Variants in PTPRM observed in about 807,000 individuals in gnomAD.
The protein encoded by PTPRM is receptor-type tyrosine-protein phosphatase mu.
PTPRM carries 47 observed loss-of-function variants against 186.7 expected under a neutral mutation model. The observed-to-expected ratio is 0.25, with a 90% CI of 0.20 to 0.32. The LOEUF (loss-of-function observed/expected upper bound fraction) is 0.32, where lower values mean the gene tolerates loss of function less well. PTPRM is among the 10% of genes least tolerant of loss of function. The pLI is 1.00. For synonymous variants in PTPRM, 668 were observed against 674.9 expected (o/e 0.99, Z 0.16); for missense variants, 1,494 against 1,865.0 (o/e 0.80, Z 3.66).
chr18:7,737,339 C>T (rs952488682), intron 1 of PTPRM, among the ~76,000 whole-genome samples: 1 of 152,170 alleles, frequency 6.6e-6, no homozygotes, highest in Non-Finnish European at 1.5e-5. Context: ...CCGTGATCCA[C>T]CTGCCTCGGC....
chr18:7,772,946 T>C (rs2042399288), intron 1 of PTPRM, among the ~76,000 whole-genome samples: 1 of 152,170 alleles, frequency 6.6e-6, no homozygotes, highest in South Asian at 2.1e-4. Context: ...TCAATTTAAT[T>C]AATCACTTTC....
chr18:8,240,295 T>C (rs2094400360), intron 14 of PTPRM, among the ~76,000 whole-genome samples: 2 of 151,660 alleles, frequency 1.3e-5, no homozygotes, highest in African/African-American at 4.9e-5. Context: ...CTCTTTTGGG[T>C]ATATTGTATT....
At chr18:8,094,150 A>G in intron 11 of PTPRM, among the ~76,000 whole-genome samples, 2 of 152,208 alleles carry the variant, frequency 1.3e-5, no homozygotes, top group East Asian at 3.8e-4. Context: ...TGGAATGACA[A>G]TATTATTTTG....
At chr18:8,383,026 G>T (rs889120168) in intron 29 of PTPRM, among the ~76,000 whole-genome samples, 1 of 152,068 alleles carries the variant, frequency 6.6e-6, no homozygotes, top group Non-Finnish European at 1.5e-5. Context: ...GCGGCCAGGC[G>T]CAGTGGCTCA....
intron 1 of PTPRM, among the ~76,000 whole-genome samples, chr18:7,659,396 T>C (rs2038928257): frequency 6.6e-6 from 1 of 152,202 alleles, no homozygotes; most frequent in Non-Finnish European, 1.5e-5. Context: ...CTGCCCACAC[T>C]GTCTACAGCA....
intron 8 of PTPRM, among the ~76,000 whole-genome samples, chr18:8,071,444 T>C (rs1408932176): frequency 6.6e-6 from 1 of 152,232 alleles, no homozygotes; most frequent in Non-Finnish European, 1.5e-5. Context: ...CCTTTTTCTA[T>C]TCTAATGTCC....
intron 14 of PTPRM, among the ~76,000 whole-genome samples, chr18:8,204,793 A>G (rs2093905446): frequency 6.6e-6 from 1 of 151,892 alleles, no homozygotes; most frequent in Non-Finnish European, 1.5e-5. Context: ...AAAAACAAAA[A>G]CCCTAACACT....
chr18:8,235,310 C>A (rs1205527865), intron 14 of PTPRM, among the ~76,000 whole-genome samples: 1 of 152,008 alleles, frequency 6.6e-6, no homozygotes, highest in Non-Finnish European at 1.5e-5. Context: ...GCAGATTACA[C>A]CTTTCAAGGA....
intron 1 of PTPRM, among the ~76,000 whole-genome samples, chr18:7,627,488 A>G (rs1242681317): frequency 1.3e-5 from 2 of 152,080 alleles, no homozygotes; most frequent in South Asian, 2.1e-4. Context: ...TTTGGGGTAA[A>G]GGTCTTTATC....
chr18:7,800,899 A>G (rs772076662), intron 2 of PTPRM, among the ~76,000 whole-genome samples: 2 of 152,178 alleles, frequency 1.3e-5, no homozygotes, highest in Non-Finnish European at 2.9e-5. Flanking sequence ...GTATCTAAAC[A>G]TATGATGGCA....
chr18:8,063,582 A>G (rs948615280), intron 7 of PTPRM, among the ~76,000 whole-genome samples: 1 of 152,170 alleles, frequency 6.6e-6, no homozygotes, highest in Non-Finnish European at 1.5e-5. Context: ...TTTGGAAGGT[A>G]TCAACAGTAA....
intron 1 of PTPRM, among the ~76,000 whole-genome samples, chr18:7,656,217 G>C (rs965163921): frequency 6.6e-6 from 1 of 152,210 alleles, no homozygotes; most frequent in East Asian, 1.9e-4. Context: ...ACAAAATGAA[G>C]TATATTCCTT....
chr18:7,873,915 C>G (rs1345763652), intron 2 of PTPRM, among the ~76,000 whole-genome samples: 1 of 152,116 alleles, frequency 6.6e-6, no homozygotes, highest in Non-Finnish European at 1.5e-5. Context: ...TTGTAGGACT[C>G]TCTTCTGTAG....
At position 8,376,305 on chromosome 18, in the gene PTPRM, T is replaced by C. The variant is rs185440738; in HGVS notation, c.3326+105T>C. 2,084 of 1,535,436 alleles carry C rather than the reference T, an allele frequency of 1.4e-3. 3 individuals carry two copies. The highest frequency in any genetic ancestry group is 2.8e-3 in the Admixed American group (149 of 53,666). ...TTTTAGAACTTCAGAGGGGTGATGA[T>C]TGCACAACATTTTGGGAGCACTAAA... On this transcript the variant is annotated intron_variant, in intron 25 of 32. Transcript: ENST00000580170.
intron 19 of PTPRM, among the ~76,000 whole-genome samples, chr18:8,264,361 A>C (rs1389398489): frequency 2.0e-5 from 3 of 152,198 alleles, no homozygotes; most frequent in Non-Finnish European, 4.4e-5. Context: ...GGCATTTCAG[A>C]GGCAAGTGAG....
chr18:8,138,666 T>TTC (rs2092694345), intron 13 of PTPRM, among the ~76,000 whole-genome samples: 1 of 152,170 alleles, frequency 6.6e-6, no homozygotes, highest in Non-Finnish European at 1.5e-5. Context: ...GTGTGTGGCT[T>TTC]TCTGCTGTTC....
At chr18:8,296,606 GGAATAAC>G (rs2095099707) in intron 20 of PTPRM, 151 bp downstream of exon 20, 1 of 582,790 alleles carries the variant, frequency 1.7e-6, no homozygotes, top group African/African-American at 1.9e-5. Flanking sequence ...ACTAAAGAAA[GGAATAAC>G]TGTCTACCCC....
At chr18:8,039,183 C>G (rs889295802) in intron 7 of PTPRM, among the ~76,000 whole-genome samples, 2 of 151,942 alleles carry the variant, frequency 1.3e-5, no homozygotes, top group East Asian at 1.9e-4. Context: ...CCTGTTAAAT[C>G]TTATATATTA....
intron 1 of PTPRM, among the ~76,000 whole-genome samples, chr18:7,675,815 A>G (rs1165920360): frequency 6.6e-6 from 1 of 151,506 alleles, no homozygotes; most frequent in African/African-American, 2.4e-5. Flanking sequence ...GCTCACTGCA[A>G]CCTCTGCCTC....
Sources: allele counts gnomAD v4.1 joint callset (sites outside exome capture counted in the v4.1 genomes callset), GRCh38; gene constraint gnomAD v4.1.1; transcripts MANE v1.5; gene names NCBI Gene and HGNC (gene_info 2026-07-23, HGNC 2026-07-21).